Variants in NFATC3 observed in about 807,000 individuals in gnomAD.
NFATC3 encodes nuclear factor of activated T-cells, cytoplasmic 3.
In NFATC3, 46 loss-of-function variants were observed where a neutral mutation model predicts 98.6. That is an observed-to-expected ratio of 0.47 (90% CI 0.37 to 0.60). NFATC3 has a LOEUF of 0.60. Ranked by LOEUF, NFATC3 falls within the 20% of genes least tolerant of loss-of-function variation. The pLI, the probability that NFATC3 is intolerant of heterozygous loss-of-function variation, is 0.00. For missense variants in NFATC3, 1,256 were observed against 1,295.5 expected, an observed-to-expected ratio of 0.97 and a Z score of 0.47; for synonymous variants, 512 against 472.2, an observed-to-expected ratio of 1.08 and a Z score of -1.09.
At chr16:68,155,977 A>G (rs2038591847) in intron 3 of NFATC3, among the ~76,000 whole-genome samples, 1 of 152,168 alleles carries the variant, frequency 6.6e-6, no homozygotes, top group Admixed American at 6.5e-5. Flanking sequence ...GTATACATGA[A>G]GAGATGGAGG....
At chr16:68,108,313 A>C (rs1033415281) in intron 1 of NFATC3, among the ~76,000 whole-genome samples, 1 of 152,096 alleles carries the variant, frequency 6.6e-6, no homozygotes, top group African/African-American at 2.4e-5. Flanking sequence ...AGTTCTCCCA[A>C]TACTACTTAT....
At position 68,085,702 on chromosome 16, in the gene NFATC3, C is replaced by A; in HGVS notation, c.21C>A (p.Gly7=). Residue 7 remains glycine (G), a synonymous_variant, in exon 1 of 10, where the codon GGC becomes GGA. Transcript: ENST00000346183. ...CGCCGATGACTACTGCAAACTGTGG[C>A]GCCCACGACGAGCTCGACTTCAAAC... MTTANC[G]AHDELDFKLV... 6.6e-7 allele frequency: 1 copy of A among 1,515,322 alleles called. No individual in the cohort carries two copies. The highest frequency in any genetic ancestry group is 8.8e-7 in the Non-Finnish European group (1 of 1,133,734). 93.9% of individuals were successfully genotyped at this position (1,515,322 alleles called of 1,614,324 possible). A position where few individuals can be genotyped will look rare whatever the true frequency, so the allele number is the denominator to read the frequency against.
chr16:68,093,639 T>A (rs377157994), intron 1 of NFATC3, among the ~76,000 whole-genome samples: 2 of 152,216 alleles, frequency 1.3e-5, no homozygotes, highest in Non-Finnish European at 2.9e-5. Context: ...GAGTACCTAT[T>A]ATGTGCAAGG....
chr16:68,085,411 TG>T lies in NFATC3; in HGVS notation c.-264del, dbSNP rs138501669. On this transcript the variant is annotated 5_prime_UTR_variant, in exon 1 of 10. Transcript: ENST00000346183. Reference sequence around the variant, plus strand: ...CCCGCGGCGGCGGTGGCGGCGACTGTGGGGGGGCGGCGGGGAACATTGGCTA... The same window carrying T: ...CCCGCGGCGGCGGTGGCGGCGACTGTGGGGGGCGGCGGGGAACATTGGCTA... 9 of 123,246 alleles carry T rather than the reference TG, an allele frequency of 7.3e-5. No homozygotes were observed. The highest frequency in any genetic ancestry group is 2.0e-4 in the Admixed American group (1 of 5,084). 7.6% of individuals were successfully genotyped at this position (123,246 alleles called of 1,614,324 possible). A position where few individuals can be genotyped will look rare whatever the true frequency, so the allele number is the denominator to read the frequency against.
At chr16:68,203,403 C>T (rs1045353507) in intron 9 of NFATC3, among the ~76,000 whole-genome samples, 2 of 151,100 alleles carry the variant, frequency 1.3e-5, no homozygotes, top group African/African-American at 4.9e-5. Context: ...AGGCCAGAGC[C>T]GGTGGATCGC....
chr16:68,219,347 C>T, intron 9 of NFATC3, among the ~76,000 whole-genome samples: 1 of 151,952 alleles, frequency 6.6e-6, no homozygotes, highest in East Asian at 1.9e-4. Flanking sequence ...CATGCCACTG[C>T]ACTCCAGCCT....
intron 9 of NFATC3, among the ~76,000 whole-genome samples, chr16:68,201,416 GTTTGTT>G (rs1329261514): frequency 6.6e-6 from 1 of 151,132 alleles, no homozygotes; most frequent in Non-Finnish European, 1.5e-5. Context: ...GGGGTTTTTT[GTTTGTT>G]TTTGTTTTTT....
intron 3 of NFATC3, among the ~76,000 whole-genome samples, chr16:68,149,565 T>C (rs1022614368): frequency 1.3e-5 from 2 of 152,190 alleles, no homozygotes; most frequent in Non-Finnish European, 2.9e-5. Context: ...CACTGAAAGT[T>C]CAAAAGATAA....
At chr16:68,158,278 C>T (rs189510425) in intron 4 of NFATC3, among the ~76,000 whole-genome samples, 1 of 151,942 alleles carries the variant, frequency 6.6e-6, no homozygotes, top group Admixed American at 6.6e-5. Context: ...TATTACCAGC[C>T]AAGCCATTAT....
intron 8 of NFATC3, among the ~76,000 whole-genome samples, chr16:68,189,926 G>A (rs1038603042): frequency 1.3e-5 from 2 of 152,022 alleles, no homozygotes; most frequent in African/African-American, 4.8e-5. Context: ...GCATGGTGGC[G>A]CACGCCTGTA....
intron 9 of NFATC3, among the ~76,000 whole-genome samples, chr16:68,206,330 C>T (rs949919406): frequency 1.3e-5 from 2 of 152,180 alleles, no homozygotes; most frequent in African/African-American, 4.8e-5. Flanking sequence ...ATAACCACCA[C>T]CACTTTCTAT....
At chr16:68,128,807 A>G (rs1445765467) in intron 3 of NFATC3, among the ~76,000 whole-genome samples, 1 of 152,056 alleles carries the variant, frequency 6.6e-6, no homozygotes, top group Non-Finnish European at 1.5e-5. Context: ...CCTGGGCAAC[A>G]TGTCTCTTTA....
chr16:68,171,096 C>A (rs1343145769), intron 5 of NFATC3, among the ~76,000 whole-genome samples: 1 of 152,120 alleles, frequency 6.6e-6, no homozygotes, highest in African/African-American at 2.4e-5. Context: ...CAACCTCTGC[C>A]TCCTGGGTTC....
intron 8 of NFATC3, among the ~76,000 whole-genome samples, chr16:68,190,125 A>T (rs2151111488): frequency 6.6e-6 from 1 of 152,308 alleles, no homozygotes; most frequent in Non-Finnish European, 1.5e-5. Flanking sequence ...CTATTTTTGT[A>T]TGTTGATTTT....
chr16:68,144,516 A>T (rs1233323877), intron 3 of NFATC3, among the ~76,000 whole-genome samples: 6 of 150,768 alleles, frequency 4.0e-5, no homozygotes, highest in South Asian at 2.1e-4. Flanking sequence ...CATCATCATT[A>T]TTTTTTTTTG....
At chr16:68,200,995 A>C (rs2040888986) in intron 9 of NFATC3, 1 of 151,094 alleles carries the variant, frequency 6.6e-6, no homozygotes, top group African/African-American at 2.4e-5. Flanking sequence ...GCAGTGGCAC[A>C]ATATCAGCTC....
intron 1 of NFATC3, among the ~76,000 whole-genome samples, chr16:68,121,529 A>G (rs12149252): frequency 6.6e-6 from 1 of 151,776 alleles, no homozygotes; most frequent in African/African-American, 2.4e-5. Context: ...AAAAGTAACC[A>G]GGAGTGTGGC....
At chr16:68,197,436 A>G (rs2151127229) in intron 9 of NFATC3, among the ~76,000 whole-genome samples, 1 of 152,342 alleles carries the variant, frequency 6.6e-6, no homozygotes, top group East Asian at 1.9e-4. Context: ...GGCACATGCC[A>G]TCATGCCCTG....
At chr16:68,153,072 G>GACA (rs1280802114) in intron 3 of NFATC3, among the ~76,000 whole-genome samples, 1 of 152,198 alleles carries the variant, frequency 6.6e-6, no homozygotes, top group South Asian at 2.1e-4. Context: ...TTCTTTTGAG[G>GACA]CACAGTGGAC....
Sources: gnomAD v4.1 joint callset for allele counts (sites outside exome capture counted in the v4.1 genomes callset) on GRCh38, gnomAD v4.1.1 for gene constraint, MANE v1.5 for transcripts, NCBI Gene and HGNC (gene_info 2026-07-23, HGNC 2026-07-21) for gene names.